The following WDR72 variants were observed in gnomAD, a reference collection of about 807,000 sequenced individuals.
WDR72 encodes WD repeat-containing protein 72.
Under a neutral mutation model 124.2 loss-of-function variants are expected in WDR72, and 120 were observed. That is an observed-to-expected ratio of 0.97 (90% CI 0.83 to 1.12). The LOEUF (loss-of-function observed/expected upper bound fraction) is 1.12, where lower values mean the gene tolerates loss of function less well. WDR72 is among the 50% of genes most tolerant of loss of function. The probability of loss-of-function intolerance (pLI) is 0.00; values close to 1 mark genes in which losing one functional copy is unlikely to be tolerated. For synonymous variants in WDR72, 452 were observed against 441.7 expected (o/e 1.02, Z -0.29); for missense variants, 1,387 against 1,278.8 (o/e 1.08, Z -1.29).
intron 18 of WDR72, among the ~76,000 whole-genome samples, chr15:53,591,206 G>A (rs557369918): frequency 6.6e-6 from 1 of 152,078 alleles, no homozygotes; most frequent in African/African-American, 2.4e-5. Flanking sequence ...CCTAGTCTCT[G>A]CTCTGGCATC....
Position 53,517,118 on chromosome 15 carries a change from G to T in WDR72, c.*581C>A. 1 of 159,210 alleles carries T rather than the reference G, an allele frequency of 6.3e-6. No individual in the cohort carries two copies. Among genetic ancestry groups the T allele is most frequent in the Non-Finnish European group, 1.4e-5 (1 of 72,374 alleles). The allele number at this position is 159,210 out of a possible 1,614,324, so 9.9% of individuals were successfully genotyped here. ...CTGTTATACTTTGTATCTCTTATTT[G>T]GGCTAATTGATAACTAAATGGAACT... On this transcript the variant is annotated 3_prime_UTR_variant, in exon 20 of 20. Transcript: ENST00000360509.
At chr15:53,712,986 A>G in intron 6 of WDR72, 95 bp from the exon 7 acceptor site, 1 of 1,420,226 alleles carries the variant, frequency 7.0e-7, no homozygotes, top group Non-Finnish European at 9.7e-7. Flanking sequence ...AGTAGATCAC[A>G]CCATTATAAA....
chr15:53,545,739 G>A (rs1330562282), intron 18 of WDR72, among the ~76,000 whole-genome samples: 2 of 130,990 alleles, frequency 1.5e-5, no homozygotes, highest in African/African-American at 6.0e-5. Flanking sequence ...CTACAAAATG[G>A]GAGAAAATTT....
intron 18 of WDR72, among the ~76,000 whole-genome samples, 183 bp from the exon 19 acceptor site, chr15:53,523,505 G>C (rs182748836): frequency 6.6e-6 from 1 of 152,168 alleles, no homozygotes; most frequent in East Asian, 1.9e-4. Context: ...CATGTAATTA[G>C]TTGAAAAATC....
At chr15:53,622,596 G>C (rs1290034668) in intron 14 of WDR72, among the ~76,000 whole-genome samples, 5 of 152,022 alleles carry the variant, frequency 3.3e-5, no homozygotes, top group African/African-American at 1.2e-4. Context: ...GACACAGGAG[G>C]GGAAAACACA....
chr15:53,745,117 C>G (rs532966139), intron 1 of WDR72, among the ~76,000 whole-genome samples: 1 of 150,292 alleles, frequency 6.7e-6, no homozygotes, highest in Admixed American at 6.6e-5. Flanking sequence ...TAGTAACTTG[C>G]AAATATTCTT....
chr15:53,746,469 A>T (rs1410048624), intron 1 of WDR72, among the ~76,000 whole-genome samples: 1 of 152,230 alleles, frequency 6.6e-6, no homozygotes, highest in East Asian at 1.9e-4. Flanking sequence ...TGACAATAAC[A>T]TCCTAACCAG....
intron 13 of WDR72, among the ~76,000 whole-genome samples, chr15:53,683,622 T>C (rs942939782): frequency 2.6e-5 from 4 of 152,248 alleles, no homozygotes; most frequent in African/African-American, 9.6e-5. Context: ...CATGTACCTA[T>C]TTCCCCATAG....
intron 1 of WDR72, among the ~76,000 whole-genome samples, chr15:53,740,682 C>T (rs879524011): frequency 3.9e-5 from 6 of 152,206 alleles, no homozygotes; most frequent in Non-Finnish European, 7.3e-5. Context: ...GCCTGAAGAA[C>T]AGTGCTTTGA....
chr15:53,729,549 C>T (rs1195980384), intron 2 of WDR72, among the ~76,000 whole-genome samples: 1 of 151,942 alleles, frequency 6.6e-6, no homozygotes, highest in Non-Finnish European at 1.5e-5. Context: ...TGGACCCATC[C>T]TGTCCTTTCC....
At chr15:53,679,125 A>T (rs34764222) in intron 13 of WDR72, among the ~76,000 whole-genome samples, 5,695 of 152,324 alleles carry the variant, frequency 0.037, 134 homozygotes, top group Non-Finnish European at 0.05. Flanking sequence ...ACAGAAACAG[A>T]AAGTAGAATA....
In WDR72 at chr15:53,702,263, A is replaced by G. The variant is rs746787991; in HGVS notation, c.1440T>C (p.Ser480=). 6.2e-6 allele frequency: 10 copies of G among 1,614,120 alleles called. No individual in the cohort carries two copies. In the South Asian group the frequency reaches 1.1e-4, roughly 18 times the overall value. ...AGTCCAGGTCCCCAGACAACATCCA[A>G]CTTTGGTCTAATTTCGAAGAGAGAC... ...PHGLSSKLDQ[S]WMLSGDLDSC... Residue 480 remains serine (S), a synonymous_variant, in exon 12 of 20, where the codon AGT becomes AGC. Transcript: ENST00000360509.
intron 1 of WDR72, among the ~76,000 whole-genome samples, chr15:53,742,731 G>A (rs1033658328): frequency 3.3e-5 from 5 of 152,068 alleles, no homozygotes; most frequent in Non-Finnish European, 7.4e-5. Context: ...TTTCTCTCAC[G>A]GGGATCTCTA....
intron 1 of WDR72, among the ~76,000 whole-genome samples, chr15:53,751,134 C>T (rs2140895388): frequency 6.6e-6 from 1 of 152,056 alleles, no homozygotes; most frequent in South Asian, 2.1e-4. Context: ...GGTCTGAGCA[C>T]AGTGACATAT....
chr15:53,708,435 C>T (rs2017445563), intron 9 of WDR72, among the ~76,000 whole-genome samples: 1 of 152,178 alleles, frequency 6.6e-6, no homozygotes, highest in Non-Finnish European at 1.5e-5. Context: ...ATAAGGTGCA[C>T]AGGATGGTCC....
At chr15:53,630,063 G>C (rs2014363973) in intron 14 of WDR72, among the ~76,000 whole-genome samples, 1 of 138,864 alleles carries the variant, frequency 7.2e-6, no homozygotes, top group African/African-American at 3.0e-5. Context: ...TTTTTAAAAA[G>C]ATCTCAGAGA....
chr15:53,751,529 A>C (rs1188937605), intron 1 of WDR72, among the ~76,000 whole-genome samples: 2 of 152,200 alleles, frequency 1.3e-5, no homozygotes, highest in Non-Finnish European at 2.9e-5. Context: ...TTTGATATGC[A>C]CTGGGAATCC....
intron 18 of WDR72, among the ~76,000 whole-genome samples, chr15:53,537,137 T>C (rs1268925311): frequency 6.6e-6 from 1 of 152,136 alleles, no homozygotes; most frequent in East Asian, 1.9e-4. Context: ...TCTATATTGG[T>C]GTGCTTAATT....
chr15:53,617,693 TTAC>T lies in WDR72; in HGVS notation c.1963-1453_1963-1451del, dbSNP rs1162441286. On this transcript the variant is annotated intron_variant, in intron 14 of 19. Coordinates refer to ENST00000360509, the MANE Select transcript of WDR72 (RefSeq NM_182758.4). ...TCAAAAGTTACAATATGAAAAATTTTTACTACAAGTAGTAACCAGAAAAATGAA... is the reference window on the plus strand; with the variant it reads ...TCAAAAGTTACAATATGAAAAATTTTTACAAGTAGTAACCAGAAAAATGAA... Among the ~76,000 whole-genome samples, 12 of 152,050 alleles carry T rather than the reference TTAC, an allele frequency of 7.9e-5. No individual in the cohort carries two copies. In the South Asian group the frequency reaches 1.9e-3, roughly 24 times the overall value.
Sources: allele counts gnomAD v4.1 joint callset (sites outside exome capture counted in the v4.1 genomes callset), GRCh38; gene constraint gnomAD v4.1.1; transcripts MANE v1.5; gene names NCBI Gene and HGNC (gene_info 2026-07-23, HGNC 2026-07-21).